The following TPTE variants were observed in gnomAD, a reference collection of about 807,000 sequenced individuals.
TPTE encodes putative tyrosine-protein phosphatase TPTE.
TPTE carries 59 observed loss-of-function variants against 84.1 expected under a neutral mutation model. The observed-to-expected ratio is 0.70, with a 90% CI of 0.57 to 0.87. TPTE has a LOEUF of 0.87. Ranked by LOEUF, TPTE falls within the 40% of genes least tolerant of loss-of-function variation. TPTE has a pLI of 0.00. For synonymous variants in TPTE, 130 were observed against 223.5 expected, an observed-to-expected ratio of 0.58 and a Z score of 3.73; for missense variants, 382 against 659.6, an observed-to-expected ratio of 0.58 and a Z score of 4.61.
chr21:10,585,981 T>A (rs2075356693), intron 17 of TPTE, among the ~76,000 whole-genome samples: 1 of 152,306 alleles, frequency 6.6e-6, no homozygotes, highest in Non-Finnish European at 1.5e-5. Flanking sequence ...TTCTGAGTAG[T>A]CTTACCACGG....
chr21:10,553,545 T>C (rs1016019487), intron 8 of TPTE, among the ~76,000 whole-genome samples: 1 of 152,312 alleles, frequency 6.6e-6, no homozygotes, highest in Non-Finnish European at 1.5e-5. Context: ...GAAACAAAAT[T>C]AGACCGATTA....
chr21:10,563,044 A>G lies in TPTE; in HGVS notation c.446+1853A>G, dbSNP rs1249348343. On this transcript the variant is annotated intron_variant, in intron 10 of 23. Transcript: ENST00000618007. ...AACCAATAATATACGATGGCGCTAC[A>G]ATATATCTGGCAGCAGACTCTTTAG... is the stretch of plus-strand genomic sequence containing the variant. 7.9e-5 allele frequency among the ~76,000 whole-genome samples: 12 copies of G among 152,420 alleles called. No individual in the cohort carries two copies. The East Asian group carries it at 1.3e-3, about 17-fold the overall frequency.
chr21:10,593,994 C>T (rs56891699), intron 19 of TPTE, among the ~76,000 whole-genome samples: 1 of 151,946 alleles, frequency 6.6e-6, no homozygotes, highest in African/African-American at 2.4e-5. Context: ...TAGTCATAGA[C>T]TCTAAGCTAA....
intron 9 of TPTE, among the ~76,000 whole-genome samples, chr21:10,560,077 G>T (rs1421070424): frequency 1.3e-5 from 2 of 152,294 alleles, no homozygotes; most frequent in East Asian, 3.8e-4. Flanking sequence ...GGTTTAAGCT[G>T]GACATTAAGA....
At chr21:10,554,024 C>T (rs1427736395) in intron 8 of TPTE, among the ~76,000 whole-genome samples, 2 of 152,308 alleles carry the variant, frequency 1.3e-5, no homozygotes, top group African/African-American at 2.4e-5. Context: ...TTTAGTCATT[C>T]TTAAACTTTG....
intron 4 of TPTE, among the ~76,000 whole-genome samples, chr21:10,540,463 T>G (rs1473148817): frequency 6.6e-6 from 1 of 152,312 alleles, no homozygotes; most frequent in Non-Finnish European, 1.5e-5. Context: ...ATTACCTTTC[T>G]GTGAGAATGA....
chr21:10,542,502 A>T, intron 6 of TPTE, 54 bp downstream of exon 6: 2 of 1,591,446 alleles, frequency 1.3e-6, no homozygotes, highest in East Asian at 4.5e-5. Flanking sequence ...ATAGAACTAT[A>T]CACACACAGG....
At chr21:10,596,275 A>G (rs1483222684) in intron 20 of TPTE, among the ~76,000 whole-genome samples, 188 bp downstream of exon 20, 2 of 152,308 alleles carry the variant, frequency 1.3e-5, no homozygotes, top group Non-Finnish European at 2.9e-5. Context: ...GCCAGCCCTT[A>G]GATGTTCTTC....
intron 2 of TPTE, among the ~76,000 whole-genome samples, chr21:10,527,138 C>T (rs540908446): frequency 2.9e-3 from 373 of 127,596 alleles, no homozygotes; most frequent in South Asian, 4.3e-3. Flanking sequence ...TGTCCCCTCT[C>T]TCTCTCTCTC....
At chr21:10,545,778 TAC>T (rs1231187756) in intron 7 of TPTE, among the ~76,000 whole-genome samples, 2 of 151,722 alleles carry the variant, frequency 1.3e-5, no homozygotes, top group Non-Finnish European at 2.9e-5. Flanking sequence ...CATATCTATA[TAC>T]ATGTCTACAT....
In TPTE at chr21:10,547,207, G is replaced by T. The variant is rs534172153; in HGVS notation, c.173+3825G>T. Among the ~76,000 whole-genome samples the T allele has an allele frequency of 2.6e-5, 4 of 152,428 alleles. No individual in the cohort carries two copies. The East Asian group carries it at 7.7e-4, about 29-fold the overall frequency. ...CAAGATGGGTGACTAGAGATGTCTG[G>T]TGCTCATCTCCCCTACAAGAAAGAA... On this transcript the variant is annotated intron_variant, in intron 7 of 23. Coordinates refer to ENST00000618007, the MANE Select transcript of TPTE (RefSeq NM_199261.4).
intron 3 of TPTE, among the ~76,000 whole-genome samples, chr21:10,535,937 G>C (rs2074258242): frequency 6.6e-6 from 1 of 152,428 alleles, no homozygotes; most frequent in South Asian, 2.1e-4. Flanking sequence ...CAAGAATTTA[G>C]ATGGGGTAAG....
chr21:10,589,356 T>C (rs1279729978), intron 17 of TPTE, among the ~76,000 whole-genome samples: 2 of 152,308 alleles, frequency 1.3e-5, no homozygotes, highest in Non-Finnish European at 2.9e-5. Context: ...GGGTAAGAGC[T>C]GGCTGTTGCC....
chr21:10,527,919 T>A (rs1260098891), intron 3 of TPTE, among the ~76,000 whole-genome samples: 1 of 152,304 alleles, frequency 6.6e-6, no homozygotes, highest in African/African-American at 2.4e-5. Context: ...AATTAGGAAA[T>A]CAAAATGGGC....
intron 3 of TPTE, among the ~76,000 whole-genome samples, chr21:10,534,856 C>G (rs1463846414): frequency 5.5e-4 from 84 of 152,376 alleles, no homozygotes; most frequent in African/African-American, 2.0e-3. Context: ...TGACTAGTAG[C>G]TAAAACTTTC....
chr21:10,524,746 T>C (rs1194324475), intron 2 of TPTE, 58 bp downstream of exon 2: 1 of 152,720 alleles, frequency 6.5e-6, no homozygotes, highest in African/African-American at 2.4e-5. Context: ...CTGCCTTGGG[T>C]TGCCCTGGTT....
At chr21:10,597,823 C>T (rs1194791717) in intron 20 of TPTE, among the ~76,000 whole-genome samples, 192 bp from the exon 21 acceptor site, 5 of 152,300 alleles carry the variant, frequency 3.3e-5, no homozygotes, top group Non-Finnish European at 4.4e-5. Flanking sequence ...ATAAAATCTG[C>T]TTTAGGAGAC....
chr21:10,576,801 ACTATTTG>A (rs1438906643), intron 14 of TPTE, among the ~76,000 whole-genome samples: 22 of 151,420 alleles, frequency 1.5e-4, no homozygotes, highest in African/African-American at 5.3e-4. Flanking sequence ...AATTATAACT[ACTATTTG>A]TTTTTCATTT....
intron 17 of TPTE, among the ~76,000 whole-genome samples, chr21:10,580,418 A>T (rs1209960461): frequency 6.6e-6 from 1 of 152,308 alleles, no homozygotes; most frequent in Non-Finnish European, 1.5e-5. Context: ...ATATCCAAAA[A>T]TATCTTGGCC....
Sources: gnomAD v4.1 joint callset for allele counts (sites outside exome capture counted in the v4.1 genomes callset) on GRCh38, gnomAD v4.1.1 for gene constraint, MANE v1.5 for transcripts, NCBI Gene and HGNC (gene_info 2026-07-23, HGNC 2026-07-21) for gene names.